The following EVL variants were observed in gnomAD, a reference collection of about 807,000 sequenced individuals.
The protein encoded by EVL is Enah/Vasp-like.
EVL carries 21 observed loss-of-function variants against 59.6 expected under a neutral mutation model. The ratio of observed to expected loss-of-function variants is 0.35; its 90% CI spans 0.25 to 0.51. EVL has a LOEUF of 0.51. Among genes scored for constraint, EVL ranks in the 20% least tolerant of loss-of-function variants. EVL has a pLI of 0.97. For missense variants in EVL, 462 were observed against 546.6 expected (o/e 0.85, Z 1.54); for synonymous variants, 198 against 203.5 (o/e 0.97, Z 0.23).
Position 100,137,472 on chromosome 14 carries a change from C to T in EVL, c.965-106C>T, listed in dbSNP as rs905764583. ...CAGACCTTCCTGCCACGGGGCTCTG[C>T]ACCCTTGGCATGGGTGAGGGCTTCC... is the stretch of plus-strand genomic sequence containing the variant. On this transcript the variant is annotated intron_variant, in intron 9 of 13. Transcript: ENST00000392920. 4.9e-6 allele frequency: 6 copies of T among 1,219,944 alleles called. No homozygotes were observed. In the African/African-American group the frequency reaches 7.4e-5, roughly 15 times the overall value. The allele number at this position is 1,219,944 out of a possible 1,614,324, so 75.6% of individuals were successfully genotyped here.
chr14:100,125,463 C>T (rs1165004202), intron 4 of EVL, among the ~76,000 whole-genome samples: 1 of 152,144 alleles, frequency 6.6e-6, no homozygotes, highest in African/African-American at 2.4e-5. Flanking sequence ...GTGTGTGGCT[C>T]CTGCTGGGGA....
chr14:100,064,414 G>A (rs2061890097), upstream of EVL, among the ~76,000 whole-genome samples: 1 of 152,182 alleles, frequency 6.6e-6, no homozygotes, highest in African/African-American at 2.4e-5. Flanking sequence ...ACCTTCATGA[G>A]AACCCTGTGG....
chr14:100,064,934 T>G (rs2061900343), upstream of EVL, among the ~76,000 whole-genome samples: 1 of 152,164 alleles, frequency 6.6e-6, no homozygotes, highest in African/African-American at 2.4e-5. Context: ...AAAGACTTGA[T>G]CAGCTTATAG....
chr14:100,086,923 C>A (rs1480208135), intron 2 of EVL, among the ~76,000 whole-genome samples: 1 of 152,184 alleles, frequency 6.6e-6, no homozygotes, highest in Non-Finnish European at 1.5e-5. Flanking sequence ...GAGAAAATGG[C>A]AGGAAATCTG....
chr14:100,026,298 T>C (rs560608658), intron 1 of EVL, among the ~76,000 whole-genome samples: 1 of 151,504 alleles, frequency 6.6e-6, no homozygotes, highest in South Asian at 2.1e-4. Context: ...AGTAGGTATC[T>C]AATAAATATT....
In EVL at chr14:99,989,234, G is replaced by A. The variant is rs574754924; in HGVS notation, c.5+17177G>A. ...ACCTGGAGGTGTGATGGAGTGTCTCGGTTCCCTCCTGTCACATCCAGGTGT... is the reference window on the plus strand; with the variant it reads ...ACCTGGAGGTGTGATGGAGTGTCTCAGTTCCCTCCTGTCACATCCAGGTGT... On this transcript the variant is annotated intron_variant, in intron 1 of 13. Coordinates refer to the EVL transcript ENST00000402714. 2.6e-5 allele frequency among the ~76,000 whole-genome samples: 4 copies of A among 152,008 alleles called. No homozygotes were observed. In the East Asian group the frequency reaches 5.8e-4, roughly 22 times the overall value.
chr14:100,103,051 G>A (rs1203366228), intron 3 of EVL, among the ~76,000 whole-genome samples: 3 of 148,584 alleles, frequency 2.0e-5, no homozygotes, highest in East Asian at 2.0e-4. Flanking sequence ...GCAGTGAGCC[G>A]AGATCGCCTC....
At chr14:100,042,520 T>G (rs1387072737) in intron 1 of EVL, among the ~76,000 whole-genome samples, 1 of 152,174 alleles carries the variant, frequency 6.6e-6, no homozygotes, top group Non-Finnish European at 1.5e-5. Flanking sequence ...CGCTGCCTCC[T>G]TAAACTCCCC....
At chr14:99,978,868 C>T (rs2060787746) in intron 1 of EVL, among the ~76,000 whole-genome samples, 1 of 152,174 alleles carries the variant, frequency 6.6e-6, no homozygotes, top group East Asian at 1.9e-4. Context: ...CTCAGGAAGC[C>T]ATAACGCTGG....
At chr14:100,139,080 G>T (rs1399438097) in intron 11 of EVL, 3 of 152,426 alleles carry the variant, frequency 2.0e-5, no homozygotes, top group Non-Finnish European at 4.4e-5. Context: ...GAGGCACAGG[G>T]TGCCATGGTG....
chr14:100,085,814 C>T (rs2062427537), intron 2 of EVL, among the ~76,000 whole-genome samples: 1 of 152,128 alleles, frequency 6.6e-6, no homozygotes, highest in Admixed American at 6.5e-5. Context: ...GACATCTCTA[C>T]CCCAGGACCC....
At chr14:100,063,863 CAAAG>C (rs753897848), upstream of EVL, among the ~76,000 whole-genome samples, 1 of 152,124 alleles carries the variant, frequency 6.6e-6, no homozygotes, top group Non-Finnish European at 1.5e-5. Flanking sequence ...CCAGGAAAAA[CAAAG>C]GAAGAAGTCA....
intron 12 of EVL, 134 bp from the exon 13 acceptor site, chr14:100,141,602 C>T (rs540572353): frequency 1.2e-5 from 9 of 777,226 alleles, no homozygotes; most frequent in Admixed American, 5.8e-5. Flanking sequence ...AAGGGGGCCA[C>T]GAGGAGACAA....
chr14:100,091,866 G>A (rs2062572333), intron 2 of EVL, among the ~76,000 whole-genome samples: 1 of 152,198 alleles, frequency 6.6e-6, no homozygotes, highest in Non-Finnish European at 1.5e-5. Flanking sequence ...GTCTCCAGGT[G>A]TATAATGTCA....
At chr14:100,120,366 G>T (rs905844033) in intron 3 of EVL, among the ~76,000 whole-genome samples, 1 of 152,246 alleles carries the variant, frequency 6.6e-6, no homozygotes. Flanking sequence ...TGAGCGTGGA[G>T]TGCGGAGTGA....
chr14:100,050,340 C>T (rs981099719), intron 1 of EVL, among the ~76,000 whole-genome samples: 3 of 145,978 alleles, frequency 2.1e-5, no homozygotes, highest in Non-Finnish European at 4.5e-5. Flanking sequence ...TTGTGTATTT[C>T]ATTTATTTAT....
Position 99,993,429 on chromosome 14 carries a change from A to G in EVL, c.5+21372A>G, listed in dbSNP as rs963999689. ...GTTAAGGACTCCTTCATCGGTATTC[A>G]TCAGATATTGGTTTGTAGTTTTCTT... On this transcript the variant is annotated intron_variant, in intron 1 of 13. Transcript: ENST00000402714. 5.9e-5 allele frequency among the ~76,000 whole-genome samples: 9 copies of G among 152,088 alleles called. No homozygotes were observed. In the South Asian group the frequency reaches 1.7e-3, roughly 28 times the overall value.
chr14:100,129,844 G>A (rs1888320183), intron 7 of EVL, among the ~76,000 whole-genome samples, 160 bp downstream of exon 7: 1 of 152,254 alleles, frequency 6.6e-6, no homozygotes, highest in East Asian at 1.9e-4. Flanking sequence ...TTCCCAAGGG[G>A]TTAGTCTGAA....
chr14:100,019,411 T>C, intron 1 of EVL: 1 of 483,898 alleles, frequency 2.1e-6, no homozygotes, highest in South Asian at 3.6e-5. Flanking sequence ...AAGCATACAC[T>C]GCATTAATCA....
Sources: allele counts gnomAD v4.1 joint callset (sites outside exome capture counted in the v4.1 genomes callset), GRCh38; gene constraint gnomAD v4.1.1; transcripts MANE v1.5; gene names NCBI Gene and HGNC (gene_info 2026-07-23, HGNC 2026-07-21).